The following TRPM1 variants were observed in gnomAD, a reference collection of about 807,000 sequenced individuals.
TRPM1 encodes TRPM1-203 APA Isoform, Intron 10.
Under a neutral mutation model 149.4 loss-of-function variants are expected in TRPM1, and 113 were observed. The ratio of observed to expected loss-of-function variants is 0.76; its 90% CI spans 0.65 to 0.88. The LOEUF (loss-of-function observed/expected upper bound fraction) is 0.88, where lower values mean the gene tolerates loss of function less well. Among genes scored for constraint, TRPM1 ranks in the 40% least tolerant of loss-of-function variants. The probability of loss-of-function intolerance (pLI) is 0.00; values close to 1 mark genes in which losing one functional copy is unlikely to be tolerated. For synonymous variants in TRPM1, 741 were observed against 759.5 expected, an observed-to-expected ratio of 0.98 and a Z score of 0.40; for missense variants, 1,976 against 2,038.7, an observed-to-expected ratio of 0.97 and a Z score of 0.59.
Position 31,128,475 on chromosome 15 carries a change from C to T in TRPM1, c.54+32431G>A, listed in dbSNP as rs1012723342. On this transcript the variant is annotated intron_variant, in intron 1 of 26. Coordinates refer to the TRPM1 transcript ENST00000542188. The stretch of plus-strand genomic sequence containing the variant: ...ACCTGGCCGGCTGCACAGGTGCACA[C>T]CCCATATCGCCAGGAGGGTGCCCAA... Among the ~76,000 whole-genome samples the T allele has an allele frequency of 3.9e-5, 6 of 152,324 alleles. 1 individual carries two copies. Among genetic ancestry groups the T allele is most frequent in the Admixed American group, 2.0e-4 (3 of 15,314 alleles).
chr15:31,067,744 A>G, intron 5 of TRPM1, 135 bp downstream of exon 5: 1 of 872,224 alleles, frequency 1.1e-6, no homozygotes, highest in Non-Finnish European at 1.8e-6. Flanking sequence ...TAGGGAATAA[A>G]GACTTCACTT....
At position 31,037,858 on chromosome 15, in the gene TRPM1, C is replaced by T. The variant is rs565929256; in HGVS notation, c.2440-16G>A. On this transcript the variant is annotated splice_polypyrimidine_tract_variant and intron_variant, in intron 19 of 27. Coordinates refer to ENST00000256552, the MANE Select transcript of TRPM1 (RefSeq NM_001252024.2). ...CATTTGCATCCTGGAAAACAGAGCACAGCACATGACAGGCAGGTGGCTAAA... is the reference window on the plus strand; with the variant it reads ...CATTTGCATCCTGGAAAACAGAGCATAGCACATGACAGGCAGGTGGCTAAA... 3.4e-5 allele frequency: 55 copies of T among 1,614,052 alleles called. No homozygotes were observed. In the African/African-American group the frequency reaches 3.9e-4, roughly 11 times the overall value.
At chr15:31,160,686 G>A (rs1008173692) in intron 1 of TRPM1, among the ~76,000 whole-genome samples, 2 of 152,238 alleles carry the variant, frequency 1.3e-5, no homozygotes, top group Non-Finnish European at 2.9e-5. Context: ...GGGAGCAACT[G>A]AGACCACAGG....
intron 11 of TRPM1, among the ~76,000 whole-genome samples, chr15:31,050,918 T>C (rs1236505833): frequency 1.3e-5 from 2 of 152,156 alleles, no homozygotes; most frequent in Admixed American, 1.3e-4. Flanking sequence ...TTTTGATCCA[T>C]GTGTGCTTTT....
At chr15:31,016,969 A>G (rs2032376353) in intron 27 of TRPM1, among the ~76,000 whole-genome samples, 8 of 113,340 alleles carry the variant, frequency 7.1e-5, no homozygotes, top group African/African-American at 2.2e-4. Context: ...GCGTACACAC[A>G]CACACACACA....
At chr15:31,138,963 G>A (rs1031224531) in intron 1 of TRPM1, among the ~76,000 whole-genome samples, 2 of 151,960 alleles carry the variant, frequency 1.3e-5, no homozygotes, top group Non-Finnish European at 2.9e-5. Flanking sequence ...AGGTGCTTTG[G>A]CTGGCCATTT....
chr15:31,048,833 C>A (rs2033856130), intron 13 of TRPM1, among the ~76,000 whole-genome samples: 1 of 152,040 alleles, frequency 6.6e-6, no homozygotes, highest in African/African-American at 2.4e-5. Flanking sequence ...AAAAAATTCA[C>A]CAAGTTTTAG....
intron 1 of TRPM1, among the ~76,000 whole-genome samples, chr15:31,113,034 G>A (rs948803653): frequency 1.3e-5 from 2 of 152,326 alleles, no homozygotes; most frequent in Admixed American, 6.5e-5. Context: ...GGAGCAATCT[G>A]CTTCCTGAAG....
intron 6 of TRPM1, 74 bp downstream of exon 6, chr15:31,066,989 T>A: frequency 1.9e-6 from 3 of 1,595,680 alleles, no homozygotes; most frequent in Non-Finnish European, 2.6e-6. Context: ...TACAACTGCA[T>A]CTGAATCAAC....
At chr15:31,086,191 G>A (rs1471671779) in intron 1 of TRPM1, among the ~76,000 whole-genome samples, 1 of 152,214 alleles carries the variant, frequency 6.6e-6, no homozygotes, top group Non-Finnish European at 1.5e-5. Context: ...ACACCTGGGG[G>A]CTGTGGGGAG....
chr15:31,031,721 G>C (rs765744842), intron 22 of TRPM1, among the ~76,000 whole-genome samples: 24 of 152,266 alleles, frequency 1.6e-4, no homozygotes, highest in South Asian at 2.1e-4. Context: ...GCCCTATAAA[G>C]AGTCCTTCCT....
At chr15:31,111,980 G>T (rs1244170144) in intron 1 of TRPM1, among the ~76,000 whole-genome samples, 4 of 152,142 alleles carry the variant, frequency 2.6e-5, no homozygotes, top group Non-Finnish European at 5.9e-5. Flanking sequence ...CGAAACTTTT[G>T]TTTAAATAAG....
intron 27 of TRPM1, among the ~76,000 whole-genome samples, chr15:31,020,065 G>C (rs1454007813): frequency 1.3e-5 from 2 of 152,242 alleles, no homozygotes; most frequent in Non-Finnish European, 2.9e-5. Context: ...GATTCTAGCT[G>C]TATGCTGCCT....
At chr15:31,019,504 A>G (rs1265319279) in intron 27 of TRPM1, among the ~76,000 whole-genome samples, 1 of 152,090 alleles carries the variant, frequency 6.6e-6, no homozygotes, top group African/African-American at 2.4e-5. Context: ...CGGGTTCAAG[A>G]GATTCTCCTG....
At chr15:31,129,563 C>G (rs947184083) in intron 1 of TRPM1, among the ~76,000 whole-genome samples, 2 of 152,194 alleles carry the variant, frequency 1.3e-5, no homozygotes, top group Admixed American at 1.3e-4. Flanking sequence ...CTATTTTGAC[C>G]TACAAAGATG....
intron 15 of TRPM1, 123 bp from the exon 16 acceptor site, chr15:31,046,356 A>T (rs967073444): frequency 1.1e-5 from 9 of 853,294 alleles, no homozygotes; most frequent in Non-Finnish European, 1.8e-5. Context: ...TATCATTAAC[A>T]ATTAATGATA....
intron 20 of TRPM1, among the ~76,000 whole-genome samples, chr15:31,036,759 T>C (rs1379583598): frequency 6.6e-6 from 1 of 152,206 alleles, no homozygotes; most frequent in African/African-American, 2.4e-5. Context: ...CCAGAATCGA[T>C]GGGCAGCAGT....
chr15:31,118,978 G>A (rs1217884874), intron 1 of TRPM1, among the ~76,000 whole-genome samples: 1 of 152,154 alleles, frequency 6.6e-6, no homozygotes, highest in Non-Finnish European at 1.5e-5. Flanking sequence ...AGTGGTTCAT[G>A]CCTGTAATCC....
At chr15:31,057,720 T>C (rs2034121173) in intron 11 of TRPM1, among the ~76,000 whole-genome samples, 1 of 152,166 alleles carries the variant, frequency 6.6e-6, no homozygotes, top group African/African-American at 2.4e-5. Flanking sequence ...AGAGCCTTGA[T>C]ATGGTTTGGC....
Sources: gnomAD v4.1 joint callset for allele counts (sites outside exome capture counted in the v4.1 genomes callset) on GRCh38, gnomAD v4.1.1 for gene constraint, MANE v1.5 for transcripts, NCBI Gene and HGNC (gene_info 2026-07-23, HGNC 2026-07-21) for gene names.